The following ATP2B2 variants were observed in gnomAD, a reference collection of about 807,000 sequenced individuals.
ATP2B2 encodes plasma membrane calcium-transporting ATPase 2.
In ATP2B2, 15 loss-of-function variants were observed where a neutral mutation model predicts 120.0. The observed-to-expected ratio is 0.12, with a 90% CI of 0.08 to 0.19. The LOEUF (loss-of-function observed/expected upper bound fraction) is 0.19, where lower values mean the gene tolerates loss of function less well. Among genes scored for constraint, ATP2B2 ranks in the 10% least tolerant of loss-of-function variants. The pLI is 1.00. For missense variants in ATP2B2, 1,045 were observed against 1,719.8 expected (o/e 0.61, Z 6.94); for synonymous variants, 694 against 700.3 (o/e 0.99, Z 0.14).
intron 1 of ATP2B2, among the ~76,000 whole-genome samples, chr3:10,657,800 T>G (rs1266139389): frequency 6.6e-6 from 1 of 152,218 alleles, no homozygotes; most frequent in African/African-American, 2.4e-5. Context: ...GACTGCCTCC[T>G]CAAGTGGGTC....
chr3:10,441,655 C>G (rs1220297946), intron 2 of ATP2B2, among the ~76,000 whole-genome samples: 1 of 152,230 alleles, frequency 6.6e-6, no homozygotes, highest in Non-Finnish European at 1.5e-5. Flanking sequence ...GACACTGCCC[C>G]TGAGAAAGCA....
At position 10,689,795 on chromosome 3, in the gene ATP2B2, A is replaced by G. The variant is rs147791602; in HGVS notation, c.-460+18120T>C. Among the ~76,000 whole-genome samples, 547 of 152,276 alleles carry G rather than the reference A, an allele frequency of 3.6e-3. 2 individuals are homozygous for G. Among genetic ancestry groups the G allele is most frequent in the African/African-American group, 0.013 (528 of 41,556 alleles). On this transcript the variant is annotated intron_variant, in intron 1 of 21. Coordinates refer to the ATP2B2 transcript ENST00000646379. ...GGAGGCTGGTGGATGTGAGTCTCCG[A>G]CCTGGTTTATCACACTCTGACGTGC...
At position 10,517,326 on chromosome 3, in the gene ATP2B2, G is replaced by A. The variant is rs564197273; in HGVS notation, c.-320+16713C>T. On this transcript the variant is annotated intron_variant, in intron 3 of 21. Transcript: ENST00000646379. ...CTTCCCCTTCCCCCAGCCTGGGGAG[G>A]GAGGTGGTGGTGGAGCACCATAGAC... Among the ~76,000 whole-genome samples the A allele has an allele frequency of 2.6e-5, 4 of 152,336 alleles. No individual in the cohort carries two copies. In the South Asian group the frequency reaches 8.3e-4, roughly 32 times the overall value.
At position 10,371,793 on chromosome 3, in the gene ATP2B2, C is replaced by G. The variant is rs767400409; in HGVS notation, c.1659+16G>C. ...GATGTTGCTCCAGGTGGTGGATGTG[C>G]CTGGTCCACACTTACCAGAATCTTG... On this transcript the variant is annotated intron_variant, in intron 12 of 22. Transcript: ENST00000360273. The G allele has an allele frequency of 2.5e-6, 4 of 1,614,122 alleles. No individual in the cohort carries two copies. The South Asian group carries it at 4.4e-5, about 18-fold the overall frequency.
chr3:10,511,842 G>C (rs1575442389), intron 3 of ATP2B2, among the ~76,000 whole-genome samples: 1 of 152,342 alleles, frequency 6.6e-6, no homozygotes, highest in Non-Finnish European at 1.5e-5. Context: ...CACTGAATGT[G>C]AGGTCCTGTA....
intron 16 of ATP2B2, among the ~76,000 whole-genome samples, chr3:10,348,747 A>AG (rs2060496198): frequency 1.3e-5 from 2 of 152,240 alleles, no homozygotes; most frequent in Admixed American, 6.5e-5. Context: ...CCAGCAGTGC[A>AG]GCCTTTTGCT....
rs2062258766 is a variant in ATP2B2, at chr3:10,402,549, A to G, written c.398-201T>C. On this transcript the variant is annotated intron_variant, in intron 3 of 22. Coordinates refer to ENST00000360273, the MANE Select transcript of ATP2B2 (RefSeq NM_001001331.4). The surrounding 1 kb of genome is among the most constrained non-coding windows in gnomAD (Gnocchi z 4.9). ...ATCTCACAGGGTATTCCCGCTGCCC[A>G]TTTCACAGATGTGGAAGCTGAGGTT... 6.6e-6 allele frequency among the ~76,000 whole-genome samples: 1 copy of G among 152,268 alleles called. No homozygotes were observed. Among genetic ancestry groups the G allele is most frequent in the Non-Finnish European group, 1.5e-5 (1 of 68,054 alleles).
intron 2 of ATP2B2, among the ~76,000 whole-genome samples, chr3:10,565,411 T>G (rs2125536265): frequency 6.6e-6 from 1 of 152,318 alleles, no homozygotes; most frequent in East Asian, 1.9e-4. Context: ...CACCAGGTCC[T>G]GACAACTCTA....
chr3:10,565,196 G>A (rs988916747), intron 2 of ATP2B2, among the ~76,000 whole-genome samples: 1 of 152,120 alleles, frequency 6.6e-6, no homozygotes, highest in African/African-American at 2.4e-5. Flanking sequence ...AGCACTCTTG[G>A]CAGGCTAGAG....
chr3:10,451,865 A>G (rs1014659730), intron 1 of ATP2B2, among the ~76,000 whole-genome samples: 13 of 152,202 alleles, frequency 8.5e-5, no homozygotes, highest in Admixed American at 2.6e-4. Flanking sequence ...AATGTGAATA[A>G]AAACAAACAA....
intron 1 of ATP2B2, among the ~76,000 whole-genome samples, chr3:10,636,312 CA>C (rs1249219385): frequency 6.6e-6 from 1 of 152,174 alleles, no homozygotes; most frequent in Non-Finnish European, 1.5e-5. Context: ...CCAGGAGATG[CA>C]CAGCCTCTCC....
chr3:10,655,685 A>G (rs1575596707), intron 1 of ATP2B2, among the ~76,000 whole-genome samples: 2 of 152,304 alleles, frequency 1.3e-5, no homozygotes, highest in East Asian at 3.8e-4. Flanking sequence ...ACCTGCCTAC[A>G]CTAATTCCAC....
chr3:10,655,965 C>A (rs9835213), intron 1 of ATP2B2, among the ~76,000 whole-genome samples: 33,681 of 152,194 alleles, frequency 0.22, 6,266 homozygotes, highest in African/African-American at 0.5. Flanking sequence ...CAAAACGTTT[C>A]TTCTCTTGGA....
chr3:10,574,297 TG>T (rs1237588919), intron 2 of ATP2B2, among the ~76,000 whole-genome samples: 1 of 152,132 alleles, frequency 6.6e-6, no homozygotes, highest in Admixed American at 6.5e-5. Context: ...AGGTGGTCGC[TG>T]AATGGTGGGC....
chr3:10,426,785 A>G (rs2063158630), intron 2 of ATP2B2, among the ~76,000 whole-genome samples: 1 of 146,244 alleles, frequency 6.8e-6, no homozygotes, highest in South Asian at 2.2e-4. Context: ...CTTAAAAAAG[A>G]GAGCTTATTT....
At chr3:10,598,825 T>A (rs958742649) in intron 2 of ATP2B2, among the ~76,000 whole-genome samples, 1 of 152,248 alleles carries the variant, frequency 6.6e-6, no homozygotes, top group African/African-American at 2.4e-5. Context: ...TAGAAACAAC[T>A]GAGCAGGGTT....
chr3:10,564,695 C>A (rs536220772), intron 2 of ATP2B2, among the ~76,000 whole-genome samples: 3 of 152,190 alleles, frequency 2.0e-5, no homozygotes, highest in South Asian at 2.1e-4. Context: ...CACTTACACA[C>A]CCTTTAGGAA....
At chr3:10,478,835 C>A (rs1377327015) in intron 1 of ATP2B2, among the ~76,000 whole-genome samples, 1 of 152,212 alleles carries the variant, frequency 6.6e-6, no homozygotes, top group African/African-American at 2.4e-5. Context: ...CAAATCTCAT[C>A]TTGAATTGTA....
intron 1 of ATP2B2, among the ~76,000 whole-genome samples, chr3:10,457,473 T>A (rs1178973418): frequency 1.3e-5 from 2 of 151,686 alleles, no homozygotes; most frequent in African/African-American, 4.9e-5. Context: ...CTATGATGTA[T>A]CAGTGGACAT....
Sources: gnomAD v4.1 joint callset for allele counts (sites outside exome capture counted in the v4.1 genomes callset) on GRCh38, gnomAD v4.1.1 for gene constraint, Gnocchi (gnomAD v3.1) non-coding constraint, MANE v1.5 for transcripts, NCBI Gene and HGNC (gene_info 2026-07-23, HGNC 2026-07-21) for gene names.